Variants in NLRP4 observed in about 807,000 individuals in gnomAD.
NLRP4 encodes the protein NLR family pyrin domain containing 4.
NLRP4 carries 44 observed loss-of-function variants against 84.7 expected under a neutral mutation model. The observed-to-expected ratio is 0.52, with a 90% CI of 0.41 to 0.67. NLRP4 has a LOEUF of 0.67. Among genes scored for constraint, NLRP4 ranks in the 30% least tolerant of loss-of-function variants. The probability of loss-of-function intolerance (pLI) is 0.00; values close to 1 mark genes in which losing one functional copy is unlikely to be tolerated. For synonymous variants in NLRP4, 544 were observed against 476.4 expected (o/e 1.14, Z -1.85); for missense variants, 1,260 against 1,219.4 (o/e 1.03, Z -0.50).
At chr19:55,861,939 A>T in intron 4 of NLRP4, 53 bp from the exon 5 acceptor site, 1 of 1,185,104 alleles carries the variant, frequency 8.4e-7, no homozygotes, top group Non-Finnish European at 1.3e-6. Flanking sequence ...ACAGGTGTGC[A>T]GGCTGTGCTC....
rs149028266 is a variant in NLRP4, at chr19:55,846,628, G to T, written c.-65-5388G>T. Among the ~76,000 whole-genome samples, 845 of 152,048 alleles carry T rather than the reference G, an allele frequency of 5.6e-3. 15 individuals carry two copies. Among genetic ancestry groups the T allele is most frequent in the Middle Eastern group, 0.02 (6 of 294 alleles). On this transcript the variant is annotated intron_variant, in intron 1 of 9. Transcript: ENST00000301295. ...TATCTAATATCATCACTAACTATTT[G>T]CCCAAAATTAACAGATGGCTGTGCC...
chr19:55,880,258 G>A (rs1013207662), intron 9 of NLRP4, among the ~76,000 whole-genome samples: 1 of 152,072 alleles, frequency 6.6e-6, no homozygotes, highest in Non-Finnish European at 1.5e-5. Flanking sequence ...CTGAGTGCTT[G>A]GCATTGTTTC....
chr19:55,860,263 G>A (rs1213832434), intron 3 of NLRP4, among the ~76,000 whole-genome samples: 1 of 152,116 alleles, frequency 6.6e-6, no homozygotes. Flanking sequence ...GGGATTACAG[G>A]CGTGAGCCAC....
At chr19:55,868,203 G>A (rs758000315) in intron 6 of NLRP4, among the ~76,000 whole-genome samples, 3 of 152,172 alleles carry the variant, frequency 2.0e-5, no homozygotes, top group East Asian at 1.9e-4. Flanking sequence ...GGTACTTCCC[G>A]TGTTGATAAC....
intron 7 of NLRP4, among the ~76,000 whole-genome samples, chr19:55,871,700 C>T (rs1050062246): frequency 1.3e-5 from 2 of 152,112 alleles, no homozygotes; most frequent in Non-Finnish European, 2.9e-5. Context: ...TGTTAAATAA[C>T]ATAACAAAAA....
Position 55,858,083 on chromosome 19 carries a change from C to T in NLRP4, c.690C>T (p.Ile230=), listed in dbSNP as rs762599997. Residue 230 remains isoleucine (I), a synonymous_variant, in exon 3 of 10, where the codon ATC becomes ATT. Transcript: ENST00000301295. The surrounding 1 kb of genome is among the most constrained non-coding windows in gnomAD (Gnocchi z 4.2). ...VSQPERLLFV[I]DSFEELQGGL... ...AACCGGAGAGACTCTTGTTCGTCATCGACAGCTTCGAAGAGCTGCAGGGCG... is the reference window on the plus strand; with the variant it reads ...AACCGGAGAGACTCTTGTTCGTCATTGACAGCTTCGAAGAGCTGCAGGGCG... 1.2e-5 allele frequency: 20 copies of T among 1,614,096 alleles called. No homozygotes were observed. The highest frequency in any genetic ancestry group is 2.2e-5 in the East Asian group (1 of 44,868).
Position 55,870,861 on chromosome 19 carries a change from G to A in NLRP4, c.2389G>A (p.Glu797Lys), listed in dbSNP as rs548667642. The A allele has an allele frequency of 2.0e-4, 329 of 1,614,088 alleles. 4 individuals are homozygous for A. The South Asian group carries it at 3.3e-3, about 16-fold the overall frequency. ...CTGCCACCTCAGCGAGCAGTGCTGC[G>A]AATACATCTCTGAAATGCTTCTGCG... is the stretch of plus-strand genomic sequence containing the variant. ...AFCHLSEQCC[E>K]YISEMLLRNK... Residue 797 changes from glutamate to lysine, a missense_variant, in exon 7 of 10, where the codon GAA (glutamate) becomes AAA (lysine). Transcript: ENST00000301295.
At chr19:55,851,585 A>G (rs1253621432) in intron 1 of NLRP4, among the ~76,000 whole-genome samples, 1 of 127,816 alleles carries the variant, frequency 7.8e-6, no homozygotes, top group East Asian at 2.5e-4. Flanking sequence ...GCTGCGGTGT[A>G]ATGTCCGAGG....
chr19:55,879,865 T>C (rs1985519703), intron 9 of NLRP4, among the ~76,000 whole-genome samples: 1 of 151,994 alleles, frequency 6.6e-6, no homozygotes, highest in South Asian at 2.1e-4. Flanking sequence ...GTTTATATTT[T>C]AAATATTTAT....
At chr19:55,843,573 T>C (rs1304655684) in intron 1 of NLRP4, among the ~76,000 whole-genome samples, 3 of 152,054 alleles carry the variant, frequency 2.0e-5, no homozygotes, top group African/African-American at 7.2e-5. Context: ...GCACCTGTGA[T>C]CCCAGCTGCT....
chr19:55,847,253 A>G (rs1983834017), intron 1 of NLRP4, among the ~76,000 whole-genome samples: 1 of 152,054 alleles, frequency 6.6e-6, no homozygotes, highest in South Asian at 2.1e-4. Flanking sequence ...TGACTTTGCT[A>G]TTGATCTCTA....
chr19:55,873,778 C>T lies in NLRP4; in HGVS notation c.2525+2781C>T, dbSNP rs193042811. Among the ~76,000 whole-genome samples, 231 of 152,262 alleles carry T rather than the reference C, an allele frequency of 1.5e-3. 1 individual carries two copies. The highest frequency in any genetic ancestry group is 2.5e-3 in the Non-Finnish European group (168 of 67,996). ...TGCTAATTTTTAAATTATCTTCCTA[C>T]TCAGTTGAACTTTAAATCTTACAAG... On this transcript the variant is annotated intron_variant, in intron 7 of 9. Transcript: ENST00000301295.
At chr19:55,851,712 G>A (rs567292924) in intron 1 of NLRP4, among the ~76,000 whole-genome samples, 2,424 of 86,402 alleles carry the variant, frequency 0.028, 158 homozygotes, top group African/African-American at 0.19. Context: ...TGTAATGTCC[G>A]AGGCTGCGGT....
chr19:55,863,632 G>T (rs372028563), intron 5 of NLRP4, among the ~76,000 whole-genome samples: 2 of 152,126 alleles, frequency 1.3e-5, no homozygotes, highest in Admixed American at 6.5e-5. Flanking sequence ...ACAGTTCGAC[G>T]TGAGGGTTGG....
chr19:55,861,589 T>A (rs766628369), intron 4 of NLRP4, 42 bp downstream of exon 4: 1 of 1,584,374 alleles, frequency 6.3e-7, no homozygotes, highest in Non-Finnish European at 8.6e-7. Flanking sequence ...GTCACGGAGA[T>A]GACCTATTCA....
At chr19:55,856,286 G>C (rs906259332) in intron 2 of NLRP4, among the ~76,000 whole-genome samples, 1 of 151,838 alleles carries the variant, frequency 6.6e-6, no homozygotes, top group Non-Finnish European at 1.5e-5. Flanking sequence ...GAGCCACTGC[G>C]CCCAGCCAAC....
intron 1 of NLRP4, among the ~76,000 whole-genome samples, chr19:55,846,425 A>G (rs1983796361): frequency 6.6e-6 from 1 of 152,120 alleles, no homozygotes; most frequent in Non-Finnish European, 1.5e-5. Flanking sequence ...TCTCCACATC[A>G]AGAAAAGTCC....
intron 1 of NLRP4, among the ~76,000 whole-genome samples, chr19:55,840,344 A>ATGTGTGTGTGTG (rs762148583): frequency 0.012 from 1,437 of 119,682 alleles, 18 homozygotes; most frequent in African/African-American, 0.043. Context: ...GTGTATGTGT[A>ATGTGTGTGTGTG]TGTGTGTGTG....
At chr19:55,862,976 C>A (rs570714161) in intron 5 of NLRP4, among the ~76,000 whole-genome samples, 26 of 152,296 alleles carry the variant, frequency 1.7e-4, no homozygotes, top group African/African-American at 6.3e-4. Context: ...CCAATAATTC[C>A]ACCTGGAGGT....
Sources: gnomAD v4.1 joint callset for allele counts (sites outside exome capture counted in the v4.1 genomes callset) on GRCh38, gnomAD v4.1.1 for gene constraint, Gnocchi (gnomAD v3.1) non-coding constraint, MANE v1.5 for transcripts, NCBI Gene and HGNC (gene_info 2026-07-23, HGNC 2026-07-21) for gene names.